Variants in CDKAL1 observed in about 807,000 individuals in gnomAD.
CDKAL1 encodes the protein CDKAL1 threonylcarbamoyladenosine tRNA methylthiotransferase.
CDKAL1 carries 32 observed loss-of-function variants against 68.2 expected under a neutral mutation model. The ratio of observed to expected loss-of-function variants is 0.47; its 90% CI spans 0.35 to 0.63. CDKAL1 has a LOEUF of 0.63. Among genes scored for constraint, CDKAL1 ranks in the 30% least tolerant of loss-of-function variants. The pLI is 0.00. For synonymous variants in CDKAL1, 234 were observed against 244.3 expected, an observed-to-expected ratio of 0.96 and a Z score of 0.39; for missense variants, 606 against 696.7, an observed-to-expected ratio of 0.87 and a Z score of 1.47.
At chr6:21,069,451 T>C (rs1771634632) in intron 12 of CDKAL1, among the ~76,000 whole-genome samples, 2 of 152,226 alleles carry the variant, frequency 1.3e-5, no homozygotes, top group Admixed American at 6.5e-5. Flanking sequence ...ATAACCTACA[T>C]TGAATGGTTT....
At chr6:20,852,637 G>A (rs1759079739) in intron 9 of CDKAL1, among the ~76,000 whole-genome samples, 1 of 152,176 alleles carries the variant, frequency 6.6e-6, no homozygotes, top group African/African-American at 2.4e-5. Flanking sequence ...TAATCGCTGT[G>A]ACTTCAGGGA....
chr6:20,781,034 T>G, intron 7 of CDKAL1, 111 bp from the exon 8 acceptor site: 1 of 1,065,496 alleles, frequency 9.4e-7, no homozygotes, highest in Non-Finnish European at 1.4e-6. Flanking sequence ...CTCTTCTATG[T>G]TGTTTCCCCT....
At chr6:21,003,958 C>T (rs1256024732) in intron 11 of CDKAL1, among the ~76,000 whole-genome samples, 1 of 152,170 alleles carries the variant, frequency 6.6e-6, no homozygotes, top group East Asian at 1.9e-4. Context: ...CTCATTTCCC[C>T]TGAAGTCTTT....
chr6:20,781,240 A>G lies in CDKAL1; in HGVS notation c.613A>G (p.Ile205Val). The change falls in exon 8 of 16, where the codon ATA becomes GTA. Residue 205 changes from isoleucine (I) to valine (V), a missense_variant. Coordinates refer to ENST00000274695, the MANE Select transcript of CDKAL1 (RefSeq NM_017774.3). The stretch of plus-strand genomic sequence containing the variant: ...GCCGAAGATTAGGAAGAATCCACTG[A>G]TAGAAATCATTTCCATCAATACCGG... ...DLPKIRKNPL[I>V]EIISINTGCL... The G allele has an allele frequency of 6.2e-7, 1 of 1,613,416 alleles. No individual in the cohort carries two copies.
chr6:20,986,935 G>T (rs866309451), intron 10 of CDKAL1, among the ~76,000 whole-genome samples: 3 of 152,136 alleles, frequency 2.0e-5, no homozygotes, highest in Non-Finnish European at 4.4e-5. Flanking sequence ...CTGAAAAATG[G>T]CACGAAGTCT....
intron 11 of CDKAL1, among the ~76,000 whole-genome samples, chr6:21,007,192 A>G (rs951206049): frequency 1.3e-5 from 2 of 152,078 alleles, no homozygotes; most frequent in Non-Finnish European, 2.9e-5. Flanking sequence ...TAATCCCAGC[A>G]CTTTCAGAGG....
chr6:21,058,776 G>A (rs1013854507), intron 11 of CDKAL1, among the ~76,000 whole-genome samples: 1 of 152,212 alleles, frequency 6.6e-6, no homozygotes, highest in Non-Finnish European at 1.5e-5. Context: ...ATGGCTGCCT[G>A]CTCCTTCATC....
intron 5 of CDKAL1, among the ~76,000 whole-genome samples, chr6:20,652,683 A>G (rs1169828189): frequency 2.6e-5 from 4 of 152,038 alleles, no homozygotes; most frequent in Non-Finnish European, 5.9e-5. Context: ...TCTCTTCTTA[A>G]TTTCATTCTT....
At chr6:21,133,016 C>T (rs1323384798) in intron 13 of CDKAL1, among the ~76,000 whole-genome samples, 1 of 152,148 alleles carries the variant, frequency 6.6e-6, no homozygotes, top group Admixed American at 6.5e-5. Flanking sequence ...AAACATCTTT[C>T]GGCAGCCTTT....
intron 11 of CDKAL1, among the ~76,000 whole-genome samples, chr6:21,029,673 G>T (rs2150875214): frequency 6.6e-6 from 1 of 152,266 alleles, no homozygotes; most frequent in African/African-American, 2.4e-5. Flanking sequence ...CGAAGGATAT[G>T]AGCAGACACT....
At chr6:20,885,733 G>A (rs1761034780) in intron 9 of CDKAL1, among the ~76,000 whole-genome samples, 1 of 152,130 alleles carries the variant, frequency 6.6e-6, no homozygotes, top group Admixed American at 6.5e-5. Flanking sequence ...CAGACTGGGA[G>A]ACGATATTTA....
At chr6:21,120,599 C>T (rs1169378236) in intron 13 of CDKAL1, among the ~76,000 whole-genome samples, 5 of 152,182 alleles carry the variant, frequency 3.3e-5, no homozygotes, top group Admixed American at 6.5e-5. Context: ...TGTATATATG[C>T]TTCTGGAGTT....
intron 11 of CDKAL1, among the ~76,000 whole-genome samples, chr6:21,032,547 G>A (rs1769352635): frequency 6.6e-6 from 1 of 152,086 alleles, no homozygotes; most frequent in Admixed American, 6.6e-5. Flanking sequence ...ATAAAGTAAT[G>A]TGCTACATAA....
intron 5 of CDKAL1, among the ~76,000 whole-genome samples, chr6:20,704,216 C>T (rs1303557882): frequency 6.6e-6 from 1 of 151,752 alleles, no homozygotes; most frequent in Non-Finnish European, 1.5e-5. Context: ...ACCTGGGGAT[C>T]GATAATAGCA....
chr6:20,787,755 G>C (rs985580680), intron 8 of CDKAL1, among the ~76,000 whole-genome samples: 1 of 152,166 alleles, frequency 6.6e-6, no homozygotes, highest in African/African-American at 2.4e-5. Flanking sequence ...ACTGTGTTCT[G>C]TGGACCAGTT....
intron 4 of CDKAL1, among the ~76,000 whole-genome samples, chr6:20,646,389 A>T (rs1281531434): frequency 1.0e-4 from 15 of 149,070 alleles, no homozygotes; most frequent in African/African-American, 1.5e-4. Context: ...TTTTTTTTTT[A>T]AATAAGTAGA....
intron 12 of CDKAL1, among the ~76,000 whole-genome samples, chr6:21,068,776 T>C (rs1771595506): frequency 1.3e-5 from 2 of 152,224 alleles, no homozygotes; most frequent in Admixed American, 1.3e-4. Context: ...TAAGATCATA[T>C]TGATTTTATA....
intron 8 of CDKAL1, among the ~76,000 whole-genome samples, chr6:20,836,414 A>G (rs1016136278): frequency 1.6e-4 from 24 of 152,346 alleles, no homozygotes; most frequent in African/African-American, 5.5e-4. Context: ...GTGGCATTAC[A>G]GTTGAAAAGA....
intron 5 of CDKAL1, among the ~76,000 whole-genome samples, chr6:20,728,505 A>T (rs1772756713): frequency 6.6e-6 from 1 of 152,146 alleles, no homozygotes; most frequent in African/African-American, 2.4e-5. Flanking sequence ...GCTTATTGAG[A>T]TTATTTATTA....
Sources: allele counts gnomAD v4.1 joint callset (sites outside exome capture counted in the v4.1 genomes callset), GRCh38; gene constraint gnomAD v4.1.1; transcripts MANE v1.5; gene names NCBI Gene and HGNC (gene_info 2026-07-23, HGNC 2026-07-21).